The following ANO9 variants were observed in gnomAD, a reference collection of about 807,000 sequenced individuals.
ANO9 encodes the protein anoctamin-9.
In ANO9, 80 loss-of-function variants were observed where a neutral mutation model predicts 100.5. That is an observed-to-expected ratio of 0.80 (90% CI 0.66 to 0.96). The LOEUF is 0.96. Among genes scored for constraint, ANO9 ranks in the 40% least tolerant of loss-of-function variants. The pLI is 0.00. For missense variants in ANO9, 1,064 were observed against 1,072.7 expected (o/e 0.99, Z 0.11); for synonymous variants, 473 against 435.6 (o/e 1.09, Z -1.07).
chr11:441,250 G>A lies in ANO9; in HGVS notation c.6+671C>T, dbSNP rs527619372. On this transcript the variant is annotated intron_variant, in intron 1 of 22. Transcript: ENST00000332826. ...GGCCGACCAGGTGCTGACCTGCCCAGGTGTTGGCCCTGGCCCCAGGTGACC... is the reference window on the plus strand; with the variant it reads ...GGCCGACCAGGTGCTGACCTGCCCAAGTGTTGGCCCTGGCCCCAGGTGACC... 2.6e-5 allele frequency among the ~76,000 whole-genome samples: 4 copies of A among 152,320 alleles called. No individual in the cohort carries two copies. The Middle Eastern group carries it at 0.01, about 389-fold the overall frequency.
chr11:421,990 T>G lies in ANO9; in HGVS notation c.1335-792A>C, dbSNP rs538544497. Among the ~76,000 whole-genome samples the G allele has an allele frequency of 6.6e-6, 1 of 152,298 alleles. No individual in the cohort carries two copies. The highest frequency in any genetic ancestry group is 2.1e-4 in the South Asian group (1 of 4,830). ...GACTCTTTTAGAAAACATGATTATGTACCTGGAAAATCAAAATAAAACAAC... is the reference window on the plus strand; with the variant it reads ...GACTCTTTTAGAAAACATGATTATGGACCTGGAAAATCAAAATAAAACAAC... On this transcript the variant is annotated intron_variant, in intron 15 of 22. Transcript: ENST00000332826. This position sits in a 1 kb window ranked among gnomAD's most constrained non-coding sequence, Gnocchi z 6.8.
rs1482359423 is a variant in ANO9 at position 428,174 on chromosome 11, T to C, written c.1248A>G (p.Arg416=). 2.5e-6 allele frequency: 4 copies of C among 1,611,912 alleles called. No homozygotes were observed. The highest frequency in any genetic ancestry group is 3.4e-6 in the Non-Finnish European group (4 of 1,179,700). The change falls in exon 15 of 23, where the codon CGA becomes CGG. Residue 416 remains arginine, a synonymous_variant. Coordinates refer to ENST00000332826, the MANE Select transcript of ANO9 (RefSeq NM_001012302.3). ...AGAAGCGGATGGTGAACCTGCTCTCTCGCTCCGAGAAGGTCCTGGGCATCT... is the reference window on the plus strand; with the variant it reads ...AGAAGCGGATGGTGAACCTGCTCTCCCGCTCCGAGAAGGTCCTGGGCATCT... ...DFEMPRTFSE[R]ESRFTIRFFT...
chr11:420,656 T>A lies in ANO9; in HGVS notation c.1634-41A>T, dbSNP rs1159939285. On this transcript the variant is annotated intron_variant, in intron 18 of 22. Transcript: ENST00000332826. ...CAGGCTCACCGGCGCCCCGCACTCA[T>A]GTCCGCGGACCCCCGCCCCGCATTC... 5.0e-6 allele frequency: 8 copies of A among 1,601,798 alleles called. 1 individual carries two copies. The Admixed American group carries it at 1.0e-4, about 20-fold the overall frequency.
chr11:420,665 AC>A, intron 18 of ANO9, 50 bp from the exon 19 acceptor site: 1 of 1,600,066 alleles, frequency 6.2e-7, no homozygotes. Context: ...ATGTCCGCGG[AC>A]CCCCGCCCCG....
intron 1 of ANO9, among the ~76,000 whole-genome samples, chr11:435,488 G>A (rs140333898): frequency 0.14 from 6,868 of 47,712 alleles, 286 homozygotes; most frequent in Middle Eastern, 0.32. Flanking sequence ...AACATAATAC[G>A]GTATAGTCTA....
At position 431,841 on chromosome 11, in the gene ANO9, C is replaced by T. The variant is rs759362067; in HGVS notation, c.465+7G>A. 27 of 1,611,064 alleles carry T rather than the reference C, an allele frequency of 1.7e-5. No homozygotes were observed. Among genetic ancestry groups the T allele is most frequent in the Middle Eastern group, 1.6e-4 (1 of 6,072 alleles). Reference sequence around the variant, plus strand: ...CAGGGCCCTCTCCAGGCCAGCCCACCCCTCACCTTGTGCAGGGGGAACCTG... The same window carrying T: ...CAGGGCCCTCTCCAGGCCAGCCCACTCCTCACCTTGTGCAGGGGGAACCTG... On this transcript the variant is annotated splice_region_variant and intron_variant, in intron 6 of 22. Transcript: ENST00000332826.
intron 4 of ANO9, 127 bp downstream of exon 4, chr11:433,187 C>T: frequency 7.5e-7 from 1 of 1,335,734 alleles, no homozygotes; most frequent in African/African-American, 1.5e-5. Flanking sequence ...TGGCCCCTGC[C>T]CTGAGACCAC....
Position 432,212 on chromosome 11 carries a change from C to T in ANO9, c.351-158G>A, listed in dbSNP as rs922801939. ...CAGAGCCCAGAATCCACAACTCACC[C>T]GGGAGCCCACCCCGCACCCTCCTTA... On this transcript the variant is annotated intron_variant, in intron 4 of 22. Transcript: ENST00000332826. The surrounding 1 kb of genome is among the most constrained non-coding windows in gnomAD (Gnocchi z 4.8). 1.5e-5 allele frequency: 11 copies of T among 756,574 alleles called. No homozygotes were observed. The highest frequency in any genetic ancestry group is 3.5e-5 in the African/African-American group (2 of 57,030). The allele number at this position is 756,574 out of a possible 1,614,324, so 46.9% of individuals were successfully genotyped here. A position where few individuals can be genotyped will look rare whatever the true frequency, so the allele number is the denominator to read the frequency against.
Position 432,214 on chromosome 11 carries a change from G to A in ANO9, c.351-160C>T, listed in dbSNP as rs1849069632. Reference sequence around the variant, plus strand: ...GAGCCCAGAATCCACAACTCACCCGGGAGCCCACCCCGCACCCTCCTTAAA... The same window carrying A: ...GAGCCCAGAATCCACAACTCACCCGAGAGCCCACCCCGCACCCTCCTTAAA... On this transcript the variant is annotated intron_variant, in intron 4 of 22. Transcript: ENST00000332826. This position sits in a 1 kb window ranked among gnomAD's most constrained non-coding sequence, Gnocchi z 4.8. 4.1e-6 allele frequency: 3 copies of A among 733,926 alleles called. No individual in the cohort carries two copies. Among genetic ancestry groups the A allele is most frequent in the Non-Finnish European group, 6.7e-6 (3 of 450,310 alleles). The allele number at this position is 733,926 out of a possible 1,614,324, so 45.5% of individuals were successfully genotyped here.
rs574123017 is a variant in ANO9 at position 433,365 on chromosome 11, G to C, written c.299C>G (p.Pro100Arg). Residue 100 changes from proline to arginine, a missense_variant, in exon 4 of 23, where the codon CCT becomes CGT. Coordinates refer to ENST00000332826, the MANE Select transcript of ANO9 (RefSeq NM_001012302.3). The stretch of plus-strand genomic sequence containing the variant: ...CGCGGCCAGCTCGGCGTGGGGGGCA[G>C]GCCCCTCAGGCTCCAGGAGGAGAGT... ...YRTLLLEPEG[P>R]APHAELAAPT... 1 of 1,613,064 alleles carries C rather than the reference G, an allele frequency of 6.2e-7. No homozygotes were observed. The highest frequency in any genetic ancestry group is 1.1e-5 in the South Asian group (1 of 91,082).
chr11:428,586 G>A lies in ANO9; in HGVS notation c.1074C>T (p.Ala358=). 6.2e-7 allele frequency: 1 copy of A among 1,612,634 alleles called. No homozygotes were observed. Among genetic ancestry groups the A allele is most frequent in the Non-Finnish European group, 8.5e-7 (1 of 1,179,900 alleles). Residue 358 remains alanine, a synonymous_variant, in exon 13 of 23, where the codon GCC becomes GCT. Coordinates refer to ENST00000332826, the MANE Select transcript of ANO9 (RefSeq NM_001012302.3). ...AHVLVVYRVL[A]SALFSSSAVP... Reference sequence around the variant, plus strand: ...CGGCCGAGCTGCTGAAGAGCGCGGAGGCCAGGACGCGGTAGACCACCAGGA... The same window carrying A: ...CGGCCGAGCTGCTGAAGAGCGCGGAAGCCAGGACGCGGTAGACCACCAGGA...
intron 15 of ANO9, among the ~76,000 whole-genome samples, chr11:426,523 A>G (rs1374104483): frequency 6.6e-6 from 1 of 152,268 alleles, no homozygotes; most frequent in East Asian, 1.9e-4. Flanking sequence ...AGTGAGCTGT[A>G]ATGGTACCAC....
At chr11:423,704 G>T (rs1183456656) in intron 15 of ANO9, among the ~76,000 whole-genome samples, 1 of 151,744 alleles carries the variant, frequency 6.6e-6, no homozygotes, top group Admixed American at 6.6e-5. Flanking sequence ...ACGTGCGGTG[G>T]GGGGTTTGGG....
chr11:420,563 C>A lies in ANO9; in HGVS notation c.1686G>T (p.Pro562=), dbSNP rs749335659. 3 of 1,605,186 alleles carry A rather than the reference C, an allele frequency of 1.9e-6. No homozygotes were observed. Among genetic ancestry groups the A allele is most frequent in the Non-Finnish European group, 2.5e-6 (3 of 1,179,520 alleles). The change falls in exon 19 of 23, where the codon CCG becomes CCT. Residue 562 remains proline (P), a synonymous_variant. Coordinates refer to ENST00000332826, the MANE Select transcript of ANO9 (RefSeq NM_001012302.3). ...CGAGGTTGCTGAAGAGCGCGAGCAG[C>A]GGCGCCAGCGGGAAGGCGGCCACGA... is the stretch of plus-strand genomic sequence containing the variant. The part of the protein sequence containing the change: ...TIFVAAFPLA[P]LLALFSNLVE...
Position 433,379 on chromosome 11 carries a change from CAGG to C in ANO9, c.282_284del (p.Leu95del), listed in dbSNP as rs1564927487. On this transcript the variant is annotated inframe_deletion, in exon 4 of 23. Coordinates refer to ENST00000332826, the MANE Select transcript of ANO9 (RefSeq NM_001012302.3). ...CGTGGGGGGCAGGCCCCTCAGGCTC[CAGG>C]AGGAGAGTGCGGTACAGGCCAAAGA... is the stretch of plus-strand genomic sequence containing the variant. The C allele has an allele frequency of 8.7e-6, 14 of 1,613,120 alleles. No individual in the cohort carries two copies. The highest frequency in any genetic ancestry group is 1.2e-5 in the Non-Finnish European group (14 of 1,179,872).
rs906012174 is a variant in ANO9 at position 433,595 on chromosome 11, C to T, written c.205-136G>A. 84 of 1,464,604 alleles carry T rather than the reference C, an allele frequency of 5.7e-5. 1 individual carries two copies. The highest frequency in any genetic ancestry group is 4.8e-4 in the Middle Eastern group (2 of 4,130). The allele number at this position is 1,464,604 out of a possible 1,614,324, so 90.7% of individuals were successfully genotyped here. On this transcript the variant is annotated intron_variant, in intron 3 of 22. Transcript: ENST00000332826. ...CTCAGAACCCTCCCTTCATCTGCCG[C>T]TGTGGCCCAGAGCCACGGAGCTGCC...
chr11:418,762 C>A lies in ANO9; in HGVS notation c.2088G>T (p.Trp696Cys). The A allele has an allele frequency of 6.2e-7, 1 of 1,613,098 alleles. No homozygotes were observed. The highest frequency in any genetic ancestry group is 1.1e-5 in the South Asian group (1 of 91,080). The change falls in exon 22 of 23, where the codon TGG (tryptophan) becomes TGT (cysteine). Residue 696 changes from tryptophan to cysteine, a missense_variant. Coordinates refer to ENST00000332826, the MANE Select transcript of ANO9 (RefSeq NM_001012302.3). ...PPDYNFSEQF[W>C]FLLAIRLAFV... ...AGGCCAGGCGGATGGCCAGGAGGAA[C>A]CAGAACTGCTCGGAGAAGTTGTAAT...
rs934387296 is a variant in ANO9 at position 421,393 on chromosome 11, G to A, written c.1335-195C>T. The stretch of plus-strand genomic sequence containing the variant: ...ACGCACACACACACACACACACACA[G>A]GGGAGGCCACAGGCTCCCAGATGAA... On this transcript the variant is annotated intron_variant, in intron 15 of 22. Coordinates refer to ENST00000332826, the MANE Select transcript of ANO9 (RefSeq NM_001012302.3). The surrounding 1 kb of genome is among the most constrained non-coding windows in gnomAD (Gnocchi z 6.8). The A allele has an allele frequency of 4.2e-6, 2 of 473,310 alleles. No homozygotes were observed. Among genetic ancestry groups the A allele is most frequent in the African/African-American group, 2.1e-5 (1 of 48,532 alleles). The allele number at this position is 473,310 out of a possible 1,614,324, so 29.3% of individuals were successfully genotyped here.
At chr11:429,447 G>A (rs556132267) in intron 11 of ANO9, 123 bp downstream of exon 11, 1 of 1,503,836 alleles carries the variant, frequency 6.6e-7, no homozygotes, top group Non-Finnish European at 8.9e-7. Flanking sequence ...CGCCCCACAT[G>A]TGGGGAGACA....
Sources: gnomAD v4.1 joint callset for allele counts (sites outside exome capture counted in the v4.1 genomes callset) on GRCh38, gnomAD v4.1.1 for gene constraint, Gnocchi (gnomAD v3.1) non-coding constraint, MANE v1.5 for transcripts, NCBI Gene and HGNC (gene_info 2026-07-23, HGNC 2026-07-21) for gene names.